The following CNKSR3 variants were observed in gnomAD, a reference collection of about 807,000 sequenced individuals.
CNKSR3 encodes CNKSR family member 3.
CNKSR3 carries 36 observed loss-of-function variants against 67.7 expected under a neutral mutation model. That is an observed-to-expected ratio of 0.53 (90% CI 0.41 to 0.70). CNKSR3 has a LOEUF of 0.70. Among genes scored for constraint, CNKSR3 ranks in the 30% least tolerant of loss-of-function variants. The pLI is 0.00. For missense variants in CNKSR3, 630 were observed against 695.2 expected (o/e 0.91, Z 1.05); for synonymous variants, 281 against 271.4 (o/e 1.04, Z -0.35).
intron 1 of CNKSR3, among the ~76,000 whole-genome samples, chr6:154,493,364 TAC>T (rs1786818888): frequency 1.3e-5 from 2 of 152,226 alleles, no homozygotes; most frequent in Non-Finnish European, 2.9e-5. Flanking sequence ...CTTTCTACCC[TAC>T]CAGAATATCA....
At chr6:154,422,356 T>G in intron 9 of CNKSR3, 150 bp downstream of exon 9, 1 of 734,836 alleles carries the variant, frequency 1.4e-6, no homozygotes, top group Non-Finnish European at 2.3e-6. Flanking sequence ...AGATCTAGAA[T>G]TCATATTTTC....
Position 154,439,870 on chromosome 6 carries a change from A to C in CNKSR3, c.507+1422T>G, listed in dbSNP as rs150583922. On this transcript the variant is annotated intron_variant, in intron 4 of 12. Transcript: ENST00000607772. ...TACACCCCTGCACTTCAACCTAAGC[A>C]ACAGAGTGAGACCCTGTCTCTTAAA... Among the ~76,000 whole-genome samples the C allele has an allele frequency of 2.0e-4, 30 of 152,314 alleles. No individual in the cohort carries two copies. In the East Asian group the frequency reaches 4.2e-3, roughly 22 times the overall value.
intron 1 of CNKSR3, among the ~76,000 whole-genome samples, chr6:154,498,767 A>G (rs1273130844): frequency 6.6e-6 from 1 of 152,132 alleles, no homozygotes; most frequent in East Asian, 1.9e-4. Flanking sequence ...AACGTTCACA[A>G]CGCCCACCTA....
At chr6:154,486,293 CTTTT>C (rs1307742661) in intron 1 of CNKSR3, among the ~76,000 whole-genome samples, 1 of 147,964 alleles carries the variant, frequency 6.8e-6, no homozygotes, top group Non-Finnish European at 1.5e-5. Context: ...CTCTCTCTCT[CTTTT>C]TCTTTTTTTT....
intron 7 of CNKSR3, among the ~76,000 whole-genome samples, chr6:154,424,008 G>A (rs887219172): frequency 3.3e-5 from 5 of 152,142 alleles, no homozygotes; most frequent in Admixed American, 6.5e-5. Flanking sequence ...CCAGGTGGGC[G>A]GATCACGAGG....
At chr6:154,406,738 G>A in intron 12 of CNKSR3, 86 bp from the exon 13 acceptor site, 1 of 1,201,854 alleles carries the variant, frequency 8.3e-7, no homozygotes, top group South Asian at 1.5e-5. Context: ...GGGAGGTCGA[G>A]GTGGGTGGAT....
intron 1 of CNKSR3, among the ~76,000 whole-genome samples, chr6:154,505,605 C>G (rs1462978118): frequency 3.3e-5 from 5 of 150,916 alleles, no homozygotes; most frequent in South Asian, 4.2e-4. Context: ...TCATGCCATT[C>G]TCCTGCCTCA....
intron 1 of CNKSR3, among the ~76,000 whole-genome samples, chr6:154,472,232 A>G (rs1206076812): frequency 6.6e-6 from 1 of 152,202 alleles, no homozygotes; most frequent in Non-Finnish European, 1.5e-5. Context: ...TTCCTCACCC[A>G]GCCCAACACA....
intron 7 of CNKSR3, among the ~76,000 whole-genome samples, chr6:154,423,296 AC>A (rs1452269596): frequency 2.6e-5 from 4 of 151,980 alleles, no homozygotes; most frequent in Admixed American, 2.6e-4. Context: ...ACGGAGTCTC[AC>A]TCTGTCACCC....
intron 1 of CNKSR3, 83 bp from the exon 2 acceptor site, chr6:154,450,341 T>C (rs1785801799): frequency 2.2e-6 from 3 of 1,359,210 alleles, no homozygotes; most frequent in Non-Finnish European, 3.1e-6. Context: ...GTCACATCAA[T>C]CTCAGCAATC....
Position 154,423,007 on chromosome 6 carries a change from C to A in CNKSR3, c.730-24G>T, listed in dbSNP as rs375508573. On this transcript the variant is annotated intron_variant, in intron 7 of 12. Transcript: ENST00000607772. ...GACTGTACAGAAACAAAATAACCTGCCTTAATTCTTTTAAACCTTCTATTT... is the reference window on the plus strand; with the variant it reads ...GACTGTACAGAAACAAAATAACCTGACTTAATTCTTTTAAACCTTCTATTT... The A allele has an allele frequency of 6.0e-6, 9 of 1,511,324 alleles. 1 individual carries two copies. Among genetic ancestry groups the A allele is most frequent in the South Asian group, 3.6e-5 (3 of 83,708 alleles). 93.6% of individuals were successfully genotyped at this position (1,511,324 alleles called of 1,614,324 possible).
intron 1 of CNKSR3, among the ~76,000 whole-genome samples, chr6:154,506,567 G>C (rs1055375369): frequency 2.6e-5 from 4 of 152,196 alleles, no homozygotes; most frequent in African/African-American, 9.7e-5. Context: ...TCATGCAGGA[G>C]CCGCCACCTT....
At chr6:154,441,268 AAG>A in intron 4 of CNKSR3, 22 bp downstream of exon 4, 1 of 1,337,538 alleles carries the variant, frequency 7.5e-7, no homozygotes, top group African/African-American at 1.5e-5. Flanking sequence ...AAAAAAAAGA[AAG>A]TGAAAATGAC....
At chr6:154,465,933 G>A (rs1008803374) in intron 1 of CNKSR3, among the ~76,000 whole-genome samples, 1 of 152,146 alleles carries the variant, frequency 6.6e-6, no homozygotes, top group Non-Finnish European at 1.5e-5. Context: ...TCTTTTCTAG[G>A]GCTTTCATGT....
chr6:154,420,614 G>A (rs1448437969), intron 9 of CNKSR3, among the ~76,000 whole-genome samples: 7 of 145,718 alleles, frequency 4.8e-5, no homozygotes, highest in African/African-American at 1.3e-4. Flanking sequence ...GCGTGAACCC[G>A]GGAGGCGGAG....
At chr6:154,495,503 G>C (rs2114653566) in intron 1 of CNKSR3, among the ~76,000 whole-genome samples, 1 of 151,462 alleles carries the variant, frequency 6.6e-6, no homozygotes, top group African/African-American at 2.4e-5. Context: ...CAAGTAACTG[G>C]GACTATAGGT....
At chr6:154,468,819 G>A (rs1353871111) in intron 1 of CNKSR3, among the ~76,000 whole-genome samples, 1 of 152,160 alleles carries the variant, frequency 6.6e-6, no homozygotes, top group Non-Finnish European at 1.5e-5. Flanking sequence ...TCCTCTCTGT[G>A]TACAGAAGTT....
Position 154,510,138 on chromosome 6 carries a change from G to A in CNKSR3, c.-24C>T, listed in dbSNP as rs1477560353. On this transcript the variant is annotated 5_prime_UTR_variant, in exon 1 of 13. Transcript: ENST00000607772. ...ATGGTAAACCGCTTCGCCTCTCGCT[G>A]GGCTGGAGAGTCGCAGATAAAGTGC... 5.0e-6 allele frequency: 8 copies of A among 1,613,902 alleles called. No homozygotes were observed. Among genetic ancestry groups the A allele is most frequent in the Non-Finnish European group, 6.8e-6 (8 of 1,179,852 alleles).
At chr6:154,494,414 T>C (rs1786839255) in intron 1 of CNKSR3, among the ~76,000 whole-genome samples, 1 of 152,202 alleles carries the variant, frequency 6.6e-6, no homozygotes, top group Non-Finnish European at 1.5e-5. Flanking sequence ...AGATGAGATT[T>C]GGTTGGGGAC....
Sources: gnomAD v4.1 joint callset for allele counts (sites outside exome capture counted in the v4.1 genomes callset) on GRCh38, gnomAD v4.1.1 for gene constraint, MANE v1.5 for transcripts, NCBI Gene and HGNC (gene_info 2026-07-23, HGNC 2026-07-21) for gene names.